The following TWSG1 variants were observed in gnomAD, a reference collection of about 807,000 sequenced individuals.
TWSG1 encodes the protein twisted gastrulation protein homolog 1.
Under a neutral mutation model 23.0 loss-of-function variants are expected in TWSG1, and 15 were observed. That is an observed-to-expected ratio of 0.65 (90% CI 0.44 to 1.00). TWSG1 has a LOEUF of 1.00. TWSG1 is among the 50% of genes least tolerant of loss of function. TWSG1 has a pLI of 0.00. For missense variants in TWSG1, 242 were observed against 278.7 expected, an observed-to-expected ratio of 0.87 and a Z score of 0.94; for synonymous variants, 86 against 92.8, an observed-to-expected ratio of 0.93 and a Z score of 0.42.
chr18:9,368,071 A>G (rs953676349), intron 3 of TWSG1, among the ~76,000 whole-genome samples: 1 of 152,154 alleles, frequency 6.6e-6, no homozygotes, highest in African/African-American at 2.4e-5. Flanking sequence ...ACTAATTTAC[A>G]TTCCCACCAA....
intron 3 of TWSG1, among the ~76,000 whole-genome samples, chr18:9,366,832 A>C (rs2040581121): frequency 1.3e-5 from 2 of 152,362 alleles, no homozygotes; most frequent in South Asian, 4.1e-4. Flanking sequence ...TACCCAGTGC[A>C]ACAGGTTATT....
chr18:9,385,570 T>C (rs1214097199), intron 3 of TWSG1, among the ~76,000 whole-genome samples: 2 of 94,262 alleles, frequency 2.1e-5, no homozygotes, highest in African/African-American at 1.0e-4. Context: ...GCGCCTGTAG[T>C]CCCAGCTACT....
chr18:9,397,977 C>T (rs1196960657), intron 4 of TWSG1, among the ~76,000 whole-genome samples: 1 of 138,064 alleles, frequency 7.2e-6, no homozygotes, highest in African/African-American at 2.7e-5. Context: ...GCACTCCAGC[C>T]TGGGCAACTA....
intron 3 of TWSG1, among the ~76,000 whole-genome samples, chr18:9,394,787 C>T (rs964983949): frequency 1.3e-5 from 2 of 152,288 alleles, no homozygotes; most frequent in South Asian, 2.1e-4. Flanking sequence ...CACACACGCA[C>T]GCACACACAT....
chr18:9,345,260 T>C (rs1231640553), intron 2 of TWSG1, among the ~76,000 whole-genome samples: 1 of 152,234 alleles, frequency 6.6e-6, no homozygotes, highest in African/African-American at 2.4e-5. Flanking sequence ...TGTTTCTGTT[T>C]TTTTCTTTTG....
At chr18:9,367,059 C>T (rs1438416263) in intron 3 of TWSG1, among the ~76,000 whole-genome samples, 2 of 152,144 alleles carry the variant, frequency 1.3e-5, no homozygotes, top group African/African-American at 4.8e-5. Flanking sequence ...CCCACCTCAG[C>T]CTCCCGAGTA....
chr18:9,389,535 T>C (rs993708179), intron 3 of TWSG1, among the ~76,000 whole-genome samples: 3 of 152,184 alleles, frequency 2.0e-5, no homozygotes, highest in African/African-American at 7.2e-5. Context: ...GATTTGATCA[T>C]TTAATCCATG....
chr18:9,384,295 A>T (rs2040672200), intron 3 of TWSG1, among the ~76,000 whole-genome samples: 1 of 152,176 alleles, frequency 6.6e-6, no homozygotes. Flanking sequence ...TATGTTAGGG[A>T]AGATGACTGA....
intron 3 of TWSG1, among the ~76,000 whole-genome samples, chr18:9,390,188 T>C (rs2040705869): frequency 6.6e-6 from 1 of 151,360 alleles, no homozygotes; most frequent in African/African-American, 2.4e-5. Flanking sequence ...TGAGATGGAG[T>C]CTCGCTCTGT....
At chr18:9,392,060 C>G (rs1229089443) in intron 3 of TWSG1, among the ~76,000 whole-genome samples, 7 of 152,160 alleles carry the variant, frequency 4.6e-5, no homozygotes, top group Non-Finnish European at 7.3e-5. Flanking sequence ...TATGGATGCC[C>G]TAGGGTTTTT....
intron 3 of TWSG1, among the ~76,000 whole-genome samples, chr18:9,384,611 T>C (rs1489719247): frequency 6.6e-6 from 1 of 150,542 alleles, no homozygotes; most frequent in Non-Finnish European, 1.5e-5. Flanking sequence ...GCATCAGATA[T>C]CTAAAAGGAA....
At chr18:9,359,079 G>A (rs2040540346) in intron 2 of TWSG1, among the ~76,000 whole-genome samples, 2 of 152,104 alleles carry the variant, frequency 1.3e-5, no homozygotes, top group African/African-American at 2.4e-5. Flanking sequence ...CTAAAGTTTA[G>A]TGGGTTAAAA....
chr18:9,338,757 A>T (rs2040433284), intron 2 of TWSG1, among the ~76,000 whole-genome samples: 1 of 152,206 alleles, frequency 6.6e-6, no homozygotes, highest in Admixed American at 6.5e-5. Context: ...TACCTCCCAG[A>T]TTGTTTCAAT....
At chr18:9,385,958 C>T (rs2040681198) in intron 3 of TWSG1, among the ~76,000 whole-genome samples, 1 of 152,058 alleles carries the variant, frequency 6.6e-6, no homozygotes, top group Non-Finnish European at 1.5e-5. Flanking sequence ...CACCTGAGGT[C>T]AGGAGTTCGA....
chr18:9,393,975 C>A (rs1217987949), intron 3 of TWSG1, among the ~76,000 whole-genome samples: 1 of 152,156 alleles, frequency 6.6e-6, no homozygotes, highest in African/African-American at 2.4e-5. Context: ...ATTAATACAG[C>A]CACTATGGAA....
In TWSG1 at chr18:9,399,422, A is replaced by G; in HGVS notation, c.567A>G (p.Gly189=). Residue 189 remains glycine (G), a synonymous_variant, in exon 5 of 5, where the codon GGA becomes GGG. Transcript: ENST00000262120. ...HQCKISCESM[G]ASKYRWFHNA... ...GTAAAATATCCTGTGAGTCCATGGGAGCATCCAAATATCGCTGGTTTCATA... is the reference window on the plus strand; with the variant it reads ...GTAAAATATCCTGTGAGTCCATGGGGGCATCCAAATATCGCTGGTTTCATA... 1.2e-6 allele frequency: 2 copies of G among 1,614,056 alleles called. No homozygotes were observed. Among genetic ancestry groups the G allele is most frequent in the South Asian group, 2.2e-5 (2 of 91,082 alleles).
chr18:9,398,602 T>C (rs8090712), intron 4 of TWSG1, among the ~76,000 whole-genome samples: 150,029 of 152,008 alleles, frequency 0.99, 74,084 homozygotes, highest in Middle Eastern at 1. Flanking sequence ...GGGTTACAGG[T>C]ACCCACCACC....
chr18:9,334,783 A>G lies in TWSG1; in HGVS notation c.-175A>G, dbSNP rs1207227510. On this transcript the variant is annotated 5_prime_UTR_variant, in exon 1 of 5. Transcript: ENST00000262120. The surrounding 1 kb of genome is among the most constrained non-coding windows in gnomAD (Gnocchi z 4.7). The stretch of plus-strand genomic sequence containing the variant: ...CGGGCCTGTCTCTTTAAGGTGCCCG[A>G]GGCTCGCGGGCGCTGCGCTGAGGGG... The G allele has an allele frequency of 6.6e-6, 1 of 150,570 alleles. No homozygotes were observed. Among genetic ancestry groups the G allele is most frequent in the East Asian group, 2.0e-4 (1 of 5,040 alleles). 9.3% of individuals were successfully genotyped at this position (150,570 alleles called of 1,614,324 possible).
At chr18:9,335,482 G>A (rs1281240801) in intron 1 of TWSG1, among the ~76,000 whole-genome samples, 2 of 152,240 alleles carry the variant, frequency 1.3e-5, no homozygotes, top group Non-Finnish European at 1.5e-5. Context: ...AATTTGGGGA[G>A]TAAGATGAAT....
Sources: gnomAD v4.1 joint callset for allele counts (sites outside exome capture counted in the v4.1 genomes callset) on GRCh38, gnomAD v4.1.1 for gene constraint, Gnocchi (gnomAD v3.1) non-coding constraint, MANE v1.5 for transcripts, NCBI Gene and HGNC (gene_info 2026-07-23, HGNC 2026-07-21) for gene names.